Variants in PPP1CC observed in about 807,000 individuals in gnomAD.
PPP1CC encodes the protein protein phosphatase 1 catalytic subunit gamma, also known as serine/threonine-protein phosphatase PP1-gamma catalytic subunit.
A neutral mutation model predicts 38.4 loss-of-function variants in PPP1CC; 16 were observed. That is an observed-to-expected ratio of 0.42 (90% CI 0.28 to 0.63). The LOEUF is 0.63. Ranked by LOEUF, PPP1CC falls within the 30% of genes least tolerant of loss-of-function variation. The pLI is 0.25. For synonymous variants in PPP1CC, 158 were observed against 136.0 expected (o/e 1.16, Z -1.13); for missense variants, 170 against 391.3 (o/e 0.43, Z 4.77).
chr12:110,709,808 A>G, the PPP1CC span, among the ~76,000 whole-genome samples: 7 of 151,934 alleles, frequency 4.6e-5, no homozygotes, highest in African/African-American at 1.7e-4. Flanking sequence ...CAGCCTCCCA[A>G]AGTGCTGGGA....
intron 1 of PPP1CC, 56 bp from the exon 2 acceptor site, chr12:110,731,957 G>C: frequency 6.3e-7 from 1 of 1,578,668 alleles, no homozygotes; most frequent in African/African-American, 1.3e-5. Context: ...AATACAATAC[G>C]AGATTTAGAT....
rs1171865467 is a variant in PPP1CC at position 110,722,377 on chromosome 12, T to G, written c.747+95A>C. ...TATCTTGTGTTCCAGAAACACTTTGTATAAATAAGCAATACCTACCCACCA... is the reference window on the plus strand; with the variant it reads ...TATCTTGTGTTCCAGAAACACTTTGGATAAATAAGCAATACCTACCCACCA... On this transcript the variant is annotated intron_variant, in intron 5 of 6. Coordinates refer to ENST00000335007, the MANE Select transcript of PPP1CC (RefSeq NM_002710.4). The surrounding 1 kb of genome is among the most constrained non-coding windows in gnomAD (Gnocchi z 5.4). The G allele has an allele frequency of 1.3e-6, 2 of 1,560,396 alleles. No homozygotes were observed. The highest frequency in any genetic ancestry group is 3.4e-5 in the Admixed American group (2 of 58,490).
the PPP1CC span, among the ~76,000 whole-genome samples, chr12:110,709,781 A>T: frequency 1.3e-5 from 2 of 151,184 alleles, no homozygotes; most frequent in Non-Finnish European, 2.9e-5. Context: ...TCCTGACCTC[A>T]AGTGATCCAC....
At chr12:110,742,597 GCCGCCTGCCGCCCTCAGGC>G in intron 1 of PPP1CC, 37 bp downstream of exon 1, 1 of 1,372,714 alleles carries the variant, frequency 7.3e-7, no homozygotes, top group Admixed American at 2.9e-5. Context: ...AGCCCCCGGG[GCCGCCTGCCGCCCTCAGGC>G]CCGCCTCCCC....
At chr12:110,734,454 C>G (rs746643921) in intron 1 of PPP1CC, among the ~76,000 whole-genome samples, 3 of 152,176 alleles carry the variant, frequency 2.0e-5, no homozygotes, top group Non-Finnish European at 4.4e-5. Flanking sequence ...AGCAATTATC[C>G]TGCCTCAGCC....
chr12:110,738,248 G>A (rs941709407), intron 1 of PPP1CC, among the ~76,000 whole-genome samples: 1 of 152,170 alleles, frequency 6.6e-6, no homozygotes, highest in African/African-American at 2.4e-5. Flanking sequence ...ATCTGTTCTT[G>A]ATGCTTTGGA....
rs185484884 is a variant in PPP1CC, at chr12:110,720,475, G to A, written c.*601C>T. ...GCTTTGTCATTTTAAGTATACGGTC[G>A]GGGAAAAGTGTGCTTTAATTAAATA... On this transcript the variant is annotated 3_prime_UTR_variant, in exon 7 of 7. Transcript: ENST00000335007. 3,024 of 386,990 alleles carry A rather than the reference G, an allele frequency of 7.8e-3. 10 individuals carry two copies. Among genetic ancestry groups the A allele is most frequent in the Non-Finnish European group, 9.7e-3 (2,070 of 213,990 alleles). 24.0% of individuals were successfully genotyped at this position (386,990 alleles called of 1,614,324 possible).
At chr12:110,740,197 A>C (rs1352518372) in intron 1 of PPP1CC, among the ~76,000 whole-genome samples, 1 of 152,192 alleles carries the variant, frequency 6.6e-6, no homozygotes, top group Non-Finnish European at 1.5e-5. Context: ...ACACGTAAAA[A>C]AATCTGGCCA....
In PPP1CC at chr12:110,720,751, T is replaced by A; in HGVS notation, c.*325A>T. ...AATGAGCATTTACATGATTATGGGT[T>A]GTACTGAATTAAAAAAGATCAATTG... On this transcript the variant is annotated 3_prime_UTR_variant, in exon 7 of 7. Coordinates refer to ENST00000335007, the MANE Select transcript of PPP1CC (RefSeq NM_002710.4). The A allele has an allele frequency of 4.4e-6, 1 of 227,874 alleles. No individual in the cohort carries two copies. The highest frequency in any genetic ancestry group is 1.1e-4 in the East Asian group (1 of 9,282). The allele number at this position is 227,874 out of a possible 1,614,324, so 14.1% of individuals were successfully genotyped here.
chr12:110,721,121 AG>A lies in PPP1CC; in HGVS notation c.926del (p.Pro309LeufsTer2). The A allele has an allele frequency of 6.2e-7, 1 of 1,613,950 alleles. No individual in the cohort carries two copies. Among genetic ancestry groups the A allele is most frequent in the Non-Finnish European group, 8.5e-7 (1 of 1,179,822 alleles). On this transcript the variant is annotated frameshift_variant, in exon 7 of 7. Coordinates refer to ENST00000335007, the MANE Select transcript of PPP1CC (RefSeq NM_002710.4). LOFTEE classifies it high-confidence loss of function. The part of the protein sequence containing the change: ...AEKKKPNATR[P>X]VTPPRGMITK... Reference sequence around the variant, plus strand: ...TGATCATACCCCTTGGAGGCGTTACAGGTCTCGTGGCATTTGGCTTCTTTTT... The same window carrying A: ...TGATCATACCCCTTGGAGGCGTTACAGTCTCGTGGCATTTGGCTTCTTTTT...
At chr12:110,724,134 AG>A (rs1439042105) in intron 4 of PPP1CC, among the ~76,000 whole-genome samples, 5 of 152,258 alleles carry the variant, frequency 3.3e-5, no homozygotes, top group African/African-American at 1.2e-4. Flanking sequence ...GCTACTCAGG[AG>A]GCTGAGGCAG....
Position 110,742,885 on chromosome 12 carries a change from C to G in PPP1CC, c.-178G>C. 1 of 425,184 alleles carries G rather than the reference C, an allele frequency of 2.4e-6. No homozygotes were observed. Among genetic ancestry groups the G allele is most frequent in the Non-Finnish European group, 4.1e-6 (1 of 246,038 alleles). 26.3% of individuals were successfully genotyped at this position (425,184 alleles called of 1,614,324 possible). A position where few individuals can be genotyped will look rare whatever the true frequency, so the allele number is the denominator to read the frequency against. ...CCTCCTTCTCTCCCCACTGGAACCA[C>G]GAGAAGAACAAAATGGCCGCCGACT... On this transcript the variant is annotated 5_prime_UTR_variant, in exon 1 of 7. Transcript: ENST00000335007.
intron 1 of PPP1CC, among the ~76,000 whole-genome samples, chr12:110,736,064 A>AAAAC (rs10699448): frequency 0.72 from 108,280 of 150,112 alleles, 39,344 homozygotes; most frequent in Middle Eastern, 0.78. Context: ...ACTTTGTCTC[A>AAAAC]AAACAAACAA....
chr12:110,715,449 T>C (rs933961972), downstream of PPP1CC, among the ~76,000 whole-genome samples: 4 of 151,970 alleles, frequency 2.6e-5, no homozygotes, highest in African/African-American at 9.7e-5. Context: ...GCCTCCCAAG[T>C]AGCTGGGACC....
At chr12:110,717,647 C>T (rs1489958920), downstream of PPP1CC, among the ~76,000 whole-genome samples, 1 of 152,124 alleles carries the variant, frequency 6.6e-6, no homozygotes, top group African/African-American at 2.4e-5. Flanking sequence ...CCGCCTGCCT[C>T]AGCCTCCCAA....
the PPP1CC span, among the ~76,000 whole-genome samples, chr12:110,709,254 G>T: frequency 6.6e-6 from 1 of 151,224 alleles, no homozygotes; most frequent in African/African-American, 2.4e-5. Context: ...TTTTGAGACA[G>T]AGTCTCCCTC....
rs2070032185 is a variant in PPP1CC at position 110,742,666 on chromosome 12, T to C, written c.42A>G (p.Gln14=). The C allele has an allele frequency of 7.2e-7, 1 of 1,386,050 alleles. No homozygotes were observed. The highest frequency in any genetic ancestry group is 3.5e-5 in the East Asian group (1 of 28,620). 85.9% of individuals were successfully genotyped at this position (1,386,050 alleles called of 1,614,324 possible). The change falls in exon 1 of 7, where the codon CAA becomes CAG. Residue 14 remains glutamine (Q), a synonymous_variant. Coordinates refer to ENST00000335007, the MANE Select transcript of PPP1CC (RefSeq NM_002710.4). ...CGCCCCCCTTACCTTCCAGCAGCCGTTGGATAATGCTGTCGATGTTGAGTT... is the reference window on the plus strand; with the variant it reads ...CGCCCCCCTTACCTTCCAGCAGCCGCTGGATAATGCTGTCGATGTTGAGTT... ...LDKLNIDSII[Q]RLLEVRGSKP...
At chr12:110,732,079 T>A (rs2069879130) in intron 1 of PPP1CC, 178 bp from the exon 2 acceptor site, 1 of 661,978 alleles carries the variant, frequency 1.5e-6, no homozygotes. Context: ...TAGACAAGAC[T>A]TAATTGCATC....
chr12:110,729,530 T>C (rs2069848240), intron 3 of PPP1CC, among the ~76,000 whole-genome samples: 1 of 152,178 alleles, frequency 6.6e-6, no homozygotes, highest in Non-Finnish European at 1.5e-5. Flanking sequence ...TTGTCAATAG[T>C]CAAATCGAAG....
Sources: gnomAD v4.1 joint callset for allele counts (sites outside exome capture counted in the v4.1 genomes callset) on GRCh38, gnomAD v4.1.1 for gene constraint, Gnocchi (gnomAD v3.1) non-coding constraint, MANE v1.5 for transcripts, NCBI Gene and HGNC (gene_info 2026-07-23, HGNC 2026-07-21) for gene names.